Variants in CDH2 observed in about 807,000 individuals in gnomAD.
CDH2 encodes cadherin 2, also known as cadherin-2.
CDH2 carries 17 observed loss-of-function variants against 92.0 expected under a neutral mutation model. That is an observed-to-expected ratio of 0.18 (90% CI 0.13 to 0.28). The LOEUF (loss-of-function observed/expected upper bound fraction) is 0.28. Among genes scored for constraint, CDH2 ranks in the 10% least tolerant of loss-of-function variants. CDH2 has a pLI of 1.00. For synonymous variants in CDH2, 419 were observed against 415.9 expected (o/e 1.01, Z -0.09); for missense variants, 862 against 1,133.1 (o/e 0.76, Z 3.44).
chr18:28,053,848 GGA>G (rs2144131732), intron 2 of CDH2, among the ~76,000 whole-genome samples: 1 of 152,208 alleles, frequency 6.6e-6, no homozygotes, highest in East Asian at 1.9e-4. Flanking sequence ...GAGGAATGCA[GGA>G]GAGGTACCAC....
chr18:28,029,813 G>A (rs977442137), intron 2 of CDH2, among the ~76,000 whole-genome samples: 35 of 152,030 alleles, frequency 2.3e-4, no homozygotes, highest in Non-Finnish European at 1.8e-4. Context: ...CCCAAATGCT[G>A]CTACACACTC....
intron 2 of CDH2, among the ~76,000 whole-genome samples, chr18:28,110,022 A>G (rs1568001965): frequency 6.6e-6 from 1 of 152,182 alleles, no homozygotes; most frequent in African/African-American, 2.4e-5. Flanking sequence ...AGAGCATACA[A>G]ATACAAGGCC....
intron 6 of CDH2, among the ~76,000 whole-genome samples, chr18:27,937,519 T>A (rs2143830562): frequency 6.6e-6 from 1 of 152,340 alleles, no homozygotes; most frequent in East Asian, 1.9e-4. Context: ...AATTTATCCC[T>A]TTGTTCGTTT....
intron 2 of CDH2, among the ~76,000 whole-genome samples, chr18:28,016,681 T>C (rs1425406415): frequency 6.6e-6 from 1 of 152,270 alleles, no homozygotes; most frequent in Admixed American, 6.5e-5. Context: ...AGCGGTTTAC[T>C]CCCATACAAA....
intron 1 of CDH2, among the ~76,000 whole-genome samples, chr18:28,166,313 G>A (rs976211888): frequency 4.6e-5 from 7 of 151,174 alleles, no homozygotes; most frequent in Non-Finnish European, 8.8e-5. Context: ...AATGTTATAC[G>A]CAATCTGCAA....
chr18:28,160,024 G>A (rs1393407606), intron 1 of CDH2, among the ~76,000 whole-genome samples: 2 of 152,102 alleles, frequency 1.3e-5, no homozygotes, highest in Non-Finnish European at 2.9e-5. Context: ...TTTATAGTTG[G>A]AGAGGTGGCT....
intron 2 of CDH2, among the ~76,000 whole-genome samples, chr18:28,131,810 C>T (rs2015776340): frequency 6.6e-6 from 1 of 151,988 alleles, no homozygotes; most frequent in Non-Finnish European, 1.5e-5. Flanking sequence ...TTCTAAATTA[C>T]TTAACGATGT....
intron 6 of CDH2, among the ~76,000 whole-genome samples, chr18:27,938,416 C>T (rs1184500478): frequency 2.0e-5 from 3 of 151,964 alleles, no homozygotes; most frequent in African/African-American, 4.8e-5. Context: ...ATTTATAGAC[C>T]ATGTTTGTCC....
intron 2 of CDH2, among the ~76,000 whole-genome samples, chr18:28,091,594 T>C (rs560862457): frequency 2.6e-5 from 4 of 152,376 alleles, no homozygotes; most frequent in African/African-American, 7.2e-5. Flanking sequence ...ATACGTTTCC[T>C]GAAGCTTCAC....
intron 2 of CDH2, among the ~76,000 whole-genome samples, chr18:28,020,532 G>T (rs2013381606): frequency 6.6e-6 from 1 of 151,926 alleles, no homozygotes; most frequent in Non-Finnish European, 1.5e-5. Flanking sequence ...ACCTATTTCT[G>T]TTATTAAAAC....
chr18:28,004,940 AT>A (rs1180862063), intron 6 of CDH2, among the ~76,000 whole-genome samples: 1 of 152,196 alleles, frequency 6.6e-6, no homozygotes, highest in Non-Finnish European at 1.5e-5. Flanking sequence ...AAACTGACTT[AT>A]GCATAAGGGA....
intron 2 of CDH2, among the ~76,000 whole-genome samples, chr18:28,016,232 C>A (rs965818064): frequency 6.6e-6 from 1 of 152,162 alleles, no homozygotes; most frequent in Non-Finnish European, 1.5e-5. Flanking sequence ...AGTGGATCTT[C>A]TCTCCCTAAG....
At position 28,096,797 on chromosome 18, in the gene CDH2, C is replaced by T. The variant is rs567546639; in HGVS notation, c.172+50876G>A. 3.9e-5 allele frequency among the ~76,000 whole-genome samples: 6 copies of T among 152,292 alleles called. No homozygotes were observed. In the East Asian group the frequency reaches 5.8e-4, roughly 15 times the overall value. ...GATATGTAAAAAATGTGAAATGCCA[C>T]GTGCACTTTGTAAATAAGACTTAAA... On this transcript the variant is annotated intron_variant, in intron 2 of 15. Coordinates refer to ENST00000269141, the MANE Select transcript of CDH2 (RefSeq NM_001792.5).
At chr18:27,978,788 G>T (rs1444551669) in intron 14 of CDH2, among the ~76,000 whole-genome samples, 1 of 151,964 alleles carries the variant, frequency 6.6e-6, no homozygotes, top group Non-Finnish European at 1.5e-5. Context: ...AAGTAGCTGG[G>T]ACTATAGGTA....
rs2016561467 is a variant in CDH2, at chr18:28,177,111, C to A, written c.-89G>T. 2 of 991,362 alleles carry A rather than the reference C, an allele frequency of 2.0e-6. No homozygotes were observed. The highest frequency in any genetic ancestry group is 3.1e-5 in the South Asian group (2 of 63,596). The allele number at this position is 991,362 out of a possible 1,614,324, so 61.4% of individuals were successfully genotyped here. Reference sequence around the variant, plus strand: ...GAGGAGGAGGCAGCGGCAGCACCAACAGCGGCGCGGAGAAACGGCTCCAGG... The same window carrying A: ...GAGGAGGAGGCAGCGGCAGCACCAAAAGCGGCGCGGAGAAACGGCTCCAGG... On this transcript the variant is annotated 5_prime_UTR_variant, in exon 1 of 16. Transcript: ENST00000269141.
rs573406711 is a variant in CDH2, at chr18:27,987,143, T to TATAC, written c.1741+1377_1741+1380dup. 1.6e-3 allele frequency among the ~76,000 whole-genome samples: 243 copies of TATAC among 152,242 alleles called. 1 individual carries two copies. In the South Asian group the frequency reaches 0.016, roughly 10 times the overall value. On this transcript the variant is annotated intron_variant, in intron 11 of 15. Transcript: ENST00000269141. ...AAATCTGGTTGTAACTCACAACCAA[T>TATAC]ATACATACATACATACATACATATA...
chr18:27,986,222 A>C (rs1015002321), intron 11 of CDH2, among the ~76,000 whole-genome samples: 1 of 152,220 alleles, frequency 6.6e-6, no homozygotes, highest in African/African-American at 2.4e-5. Context: ...TTAACGCAAC[A>C]GTCTACAGAC....
chr18:28,168,622 T>C, intron 1 of CDH2: 2 of 495,020 alleles, frequency 4.0e-6, no homozygotes, highest in Non-Finnish European at 5.2e-6. Context: ...TATTTGTTGA[T>C]CAAAACTATT....
intron 14 of CDH2, among the ~76,000 whole-genome samples, chr18:27,964,920 G>A (rs1454469416): frequency 1.3e-5 from 2 of 152,176 alleles, no homozygotes; most frequent in Non-Finnish European, 2.9e-5. Context: ...ACGAGCTTGA[G>A]CTTGGAGGGA....
Sources: allele counts gnomAD v4.1 joint callset (sites outside exome capture counted in the v4.1 genomes callset), GRCh38; gene constraint gnomAD v4.1.1; transcripts MANE v1.5; gene names NCBI Gene and HGNC (gene_info 2026-07-23, HGNC 2026-07-21).